Variants in CDC14B observed in about 807,000 individuals in gnomAD.
CDC14B encodes cell division cycle 14B, also known as dual specificity protein phosphatase CDC14B.
Under a neutral mutation model 64.2 loss-of-function variants are expected in CDC14B, and 22 were observed. The ratio of observed to expected loss-of-function variants is 0.34; its 90% CI spans 0.24 to 0.49. The LOEUF (loss-of-function observed/expected upper bound fraction) is 0.49, where lower values mean the gene tolerates loss of function less well. Among genes scored for constraint, CDC14B ranks in the 20% least tolerant of loss-of-function variants. The probability of loss-of-function intolerance (pLI) is 0.99; values close to 1 mark genes in which losing one functional copy is unlikely to be tolerated. For missense variants in CDC14B, 498 were observed against 629.9 expected (o/e 0.79, Z 2.24); for synonymous variants, 191 against 215.8 (o/e 0.89, Z 1.01).
At chr9:96,559,748 G>A (rs530538241) in intron 4 of CDC14B, among the ~76,000 whole-genome samples, 8 of 152,246 alleles carry the variant, frequency 5.3e-5, no homozygotes, top group African/African-American at 1.9e-4. Flanking sequence ...GCTCCTCACT[G>A]GGTAAGTAAT....
intron 9 of CDC14B, among the ~76,000 whole-genome samples, chr9:96,530,075 C>A (rs1281456194): frequency 6.6e-6 from 1 of 152,084 alleles, no homozygotes; most frequent in Non-Finnish European, 1.5e-5. Flanking sequence ...TTATACAAAT[C>A]TTTCATCTCC....
At chr9:96,604,342 T>TTTA (rs148185898) in intron 1 of CDC14B, among the ~76,000 whole-genome samples, 14,566 of 131,560 alleles carry the variant, frequency 0.11, 819 homozygotes, top group Admixed American at 0.13. Context: ...GAAGCTTGCA[T>TTTA]TTATTATTAT....
At chr9:96,602,669 C>T (rs768929862) in intron 1 of CDC14B, among the ~76,000 whole-genome samples, 6 of 152,100 alleles carry the variant, frequency 3.9e-5, no homozygotes, top group Non-Finnish European at 8.8e-5. Flanking sequence ...CTCTCACCAG[C>T]GTCCCTCCCA....
At position 96,519,461 on chromosome 9, in the gene CDC14B, G is replaced by A. The variant is rs140362770; in HGVS notation, c.1343+3045C>T. On this transcript the variant is annotated intron_variant, in intron 12 of 13. Coordinates refer to ENST00000375241, the MANE Select transcript of CDC14B (RefSeq NM_033331.4). ...TTTATAAAAGAGAAACCGGCCAGGC[G>A]CCGGTGGTTCATGCCTGTAATCCTA... Among the ~76,000 whole-genome samples, 10 of 152,044 alleles carry A rather than the reference G, an allele frequency of 6.6e-5. No individual in the cohort carries two copies. In the East Asian group the frequency reaches 9.7e-4, roughly 15 times the overall value.
chr9:96,600,535 CT>C (rs1846365726), intron 1 of CDC14B, among the ~76,000 whole-genome samples: 2 of 150,842 alleles, frequency 1.3e-5, no homozygotes, highest in African/African-American at 4.9e-5. Flanking sequence ...TGGGGTCTAA[CT>C]CTGTTGCCCA....
At chr9:96,589,505 G>A (rs115562427) in intron 1 of CDC14B, among the ~76,000 whole-genome samples, 1 of 152,166 alleles carries the variant, frequency 6.6e-6, no homozygotes, top group African/African-American at 2.4e-5. Flanking sequence ...TTTGTCAGGT[G>A]TATGCACTTA....
exon 14 of CDC14B, chr9:96,491,077 T>C (rs1833087475): frequency 6.6e-6 from 1 of 152,260 alleles, no homozygotes; most frequent in South Asian, 2.1e-4. Context: ...GAACACACAC[T>C]GTGCTGGGGA....
chr9:96,581,867 A>C (rs1845180508), intron 1 of CDC14B, among the ~76,000 whole-genome samples: 1 of 152,212 alleles, frequency 6.6e-6, no homozygotes, highest in African/African-American at 2.4e-5. Context: ...ATATAAGGTT[A>C]AATACAGCAT....
At chr9:96,576,649 A>G (rs28612808) in intron 1 of CDC14B, among the ~76,000 whole-genome samples, 3,708 of 149,770 alleles carry the variant, frequency 0.025, 149 homozygotes, top group African/African-American at 0.086. Context: ...AAAAAAAAAA[A>G]AAAAGATATA....
chr9:96,493,577 TG>T (rs1373932363), intron 13 of CDC14B, among the ~76,000 whole-genome samples: 14 of 152,238 alleles, frequency 9.2e-5, no homozygotes, highest in Non-Finnish European at 1.8e-4. Context: ...GGCCCACACC[TG>T]TAATACTTTG....
At chr9:96,600,982 C>T (rs751028476) in intron 1 of CDC14B, among the ~76,000 whole-genome samples, 16 of 151,992 alleles carry the variant, frequency 1.1e-4, no homozygotes, top group Non-Finnish European at 2.1e-4. Flanking sequence ...GAACAGTATG[C>T]ATCCACTAAA....
At chr9:96,539,455 C>T (rs1564283323) in intron 6 of CDC14B, among the ~76,000 whole-genome samples, 3 of 152,074 alleles carry the variant, frequency 2.0e-5, no homozygotes, top group Non-Finnish European at 4.4e-5. Flanking sequence ...GAAAGTAATC[C>T]TCTTCTCTTA....
In CDC14B at chr9:96,541,984, T is replaced by C. The variant is rs1227784355; in HGVS notation, c.498-92A>G. The C allele has an allele frequency of 4.9e-6, 4 of 811,300 alleles. No individual in the cohort carries two copies. In the Admixed American group the frequency reaches 6.8e-5, roughly 14 times the overall value. 50.3% of individuals were successfully genotyped at this position (811,300 alleles called of 1,614,324 possible). On this transcript the variant is annotated intron_variant, in intron 5 of 13. Transcript: ENST00000375241. The stretch of plus-strand genomic sequence containing the variant: ...GGTGACTAGAATTTAAAATCAAATG[T>C]ACACTCTGAACCATTATCAAGAAGA...
At chr9:96,561,679 G>A (rs1477990294) in intron 4 of CDC14B, among the ~76,000 whole-genome samples, 1 of 151,234 alleles carries the variant, frequency 6.6e-6, no homozygotes, top group Non-Finnish European at 1.5e-5. Context: ...AGTAGAGACA[G>A]GGTTTCACCA....
At chr9:96,570,942 T>G (rs1341659306) in intron 1 of CDC14B, among the ~76,000 whole-genome samples, 2 of 152,110 alleles carry the variant, frequency 1.3e-5, no homozygotes, top group Admixed American at 1.3e-4. Context: ...AAATCAACAG[T>G]AATTAAAACA....
chr9:96,565,502 A>C lies in CDC14B; in HGVS notation c.161-19T>G. The C allele has an allele frequency of 2.0e-6, 3 of 1,514,492 alleles. No individual in the cohort carries two copies. Among genetic ancestry groups the C allele is most frequent in the Non-Finnish European group, 2.8e-6 (3 of 1,089,340 alleles). 93.8% of individuals were successfully genotyped at this position (1,514,492 alleles called of 1,614,324 possible). ...AGGCGATCTGAAATGGAAAAATTGC[A>C]ATGTTCCTTCCTGGAGGTTACAAAA... is the stretch of plus-strand genomic sequence containing the variant. On this transcript the variant is annotated intron_variant, in intron 1 of 13. Coordinates refer to ENST00000375241, the MANE Select transcript of CDC14B (RefSeq NM_033331.4).
At chr9:96,521,789 A>C (rs1836768751) in intron 12 of CDC14B, among the ~76,000 whole-genome samples, 1 of 152,228 alleles carries the variant, frequency 6.6e-6, no homozygotes, top group African/African-American at 2.4e-5. Context: ...CACAATGAAA[A>C]AGGAAGTAAC....
rs1216977762 is a variant in CDC14B, at chr9:96,576,456, C to T, written c.161-10973G>A. 3.3e-5 allele frequency among the ~76,000 whole-genome samples: 5 copies of T among 151,758 alleles called. No homozygotes were observed. The East Asian group carries it at 9.7e-4, about 29-fold the overall frequency. On this transcript the variant is annotated intron_variant, in intron 1 of 13. Coordinates refer to ENST00000375241, the MANE Select transcript of CDC14B (RefSeq NM_033331.4). ...GACCAGCCTGACCAACATCACAAAA[C>T]CCCTTCTCTACTAAAAATACAAAAA...
intron 1 of CDC14B, among the ~76,000 whole-genome samples, chr9:96,577,326 C>T (rs1371026220): frequency 6.6e-6 from 1 of 150,466 alleles, no homozygotes; most frequent in Non-Finnish European, 1.5e-5. Flanking sequence ...ACACTTAAAA[C>T]CCATTTCTAA....
Sources: gnomAD v4.1 joint callset for allele counts (sites outside exome capture counted in the v4.1 genomes callset) on GRCh38, gnomAD v4.1.1 for gene constraint, MANE v1.5 for transcripts, NCBI Gene and HGNC (gene_info 2026-07-23, HGNC 2026-07-21) for gene names.